SEPTIN2: variants seen among roughly 807,000 people sequenced by gnomAD.
The protein encoded by SEPTIN2 is septin-2.
In SEPTIN2, 34 loss-of-function variants were observed where a neutral mutation model predicts 46.5. The ratio of observed to expected loss-of-function variants is 0.73; its 90% CI spans 0.56 to 0.97. The LOEUF is 0.97. Ranked by LOEUF, SEPTIN2 falls within the 50% of genes least tolerant of loss-of-function variation. The probability of loss-of-function intolerance (pLI) is 0.00; values close to 1 mark genes in which losing one functional copy is unlikely to be tolerated. For synonymous variants in SEPTIN2, 175 were observed against 153.4 expected, an observed-to-expected ratio of 1.14 and a Z score of -1.04; for missense variants, 347 against 448.4, an observed-to-expected ratio of 0.77 and a Z score of 2.04.
At chr2:241,342,660 C>T (rs1575351791) in intron 7 of SEPTIN2, among the ~76,000 whole-genome samples, 1 of 151,540 alleles carries the variant, frequency 6.6e-6, no homozygotes, top group Non-Finnish European at 1.5e-5. Context: ...CTCAGCCTCC[C>T]CAGCAGCTGG....
chr2:241,317,488 C>A, intron 1 of SEPTIN2: 1 of 975,572 alleles, frequency 1.0e-6, no homozygotes, highest in South Asian at 4.7e-5. Context: ...CCTTTTTATC[C>A]CCAATACCAG....
chr2:241,348,090 CTA>C (rs1281317078), intron 10 of SEPTIN2, 42 bp from the exon 11 acceptor site: 1 of 1,479,232 alleles, frequency 6.8e-7, no homozygotes, highest in Non-Finnish European at 9.3e-7. Flanking sequence ...TAGCAAATAA[CTA>C]TTTGTTGCAG....
chr2:241,343,621 A>C, intron 8 of SEPTIN2, 131 bp from the exon 9 acceptor site: 3 of 956,582 alleles, frequency 3.1e-6, no homozygotes, highest in Non-Finnish European at 3.1e-6. Flanking sequence ...AAAATGTTAC[A>C]TACCCCCAGC....
chr2:241,343,867 A>G lies in SEPTIN2; in HGVS notation c.812A>G (p.Asn271Ser), dbSNP rs1218264055. The stretch of plus-strand genomic sequence containing the variant: ...GTGGAAGTGGAGAACCCAGAGCACA[A>G]TGACTTTCTGAAGCTGAGAACCATG... ...GVVEVENPEHNDFLKLRTMLI... is the reference protein window; with the variant it reads ...GVVEVENPEHSDFLKLRTMLI... Residue 271 changes from asparagine to serine, a missense_variant, in exon 9 of 13, where the codon AAT (asparagine) becomes AGT (serine). By Grantham distance (46) the Asn-to-Ser change is conservative. Transcript: ENST00000391971. 2.5e-6 allele frequency: 4 copies of G among 1,614,094 alleles called. No homozygotes were observed. Among genetic ancestry groups the G allele is most frequent in the African/African-American group, 1.3e-5 (1 of 74,936 alleles).
In SEPTIN2 at chr2:241,353,614, T is replaced by G; in HGVS notation, c.*1677T>G. The G allele has an allele frequency of 6.6e-6, 1 of 152,480 alleles. No individual in the cohort carries two copies. The highest frequency in any genetic ancestry group is 1.5e-5 in the Non-Finnish European group (1 of 68,036). The allele number at this position is 152,480 out of a possible 1,614,324, so 9.4% of individuals were successfully genotyped here. ...GTGAACAGCCAAAAGCTATATGTTATGGCTTATTGTGTGAAGGTAACTAAG... is the reference window on the plus strand; with the variant it reads ...GTGAACAGCCAAAAGCTATATGTTAGGGCTTATTGTGTGAAGGTAACTAAG... On this transcript the variant is annotated 3_prime_UTR_variant, in exon 13 of 13. Transcript: ENST00000391971.
At chr2:241,328,805 G>A (rs554365394) in intron 3 of SEPTIN2, among the ~76,000 whole-genome samples, 1 of 151,740 alleles carries the variant, frequency 6.6e-6, no homozygotes, top group Admixed American at 6.6e-5. Context: ...TGGATCACCT[G>A]AGGTGGCAAG....
chr2:241,316,508 T>C, intron 1 of SEPTIN2: 1 of 1,514,588 alleles, frequency 6.6e-7, no homozygotes, highest in Non-Finnish European at 8.8e-7. Flanking sequence ...AGGCCCTGTC[T>C]GCGGGTACCT....
At chr2:241,350,925 G>A (rs1420506704) in intron 12 of SEPTIN2, among the ~76,000 whole-genome samples, 1 of 152,188 alleles carries the variant, frequency 6.6e-6, no homozygotes, top group African/African-American at 2.4e-5. Context: ...GAAAGGTAAA[G>A]TTAAGTAATG....
At chr2:241,318,429 G>A (rs2076689257) in intron 1 of SEPTIN2, 1 of 152,066 alleles carries the variant, frequency 6.6e-6, no homozygotes, top group African/African-American at 2.4e-5. Flanking sequence ...AATCCTTTAA[G>A]AAAAAAGCCA....
chr2:241,346,341 T>G, intron 10 of SEPTIN2, 92 bp downstream of exon 10: 1 of 860,622 alleles, frequency 1.2e-6, no homozygotes. Context: ...TTCTTGACCA[T>G]TAAGCAACAT....
chr2:241,342,564 G>C (rs1302452268), intron 7 of SEPTIN2, among the ~76,000 whole-genome samples: 1 of 118,928 alleles, frequency 8.4e-6, no homozygotes, highest in South Asian at 2.6e-4. Context: ...TTTTTGAGAC[G>C]GAGTCTTGCT....
intron 1 of SEPTIN2, among the ~76,000 whole-genome samples, chr2:241,319,267 A>G (rs1182403242): frequency 6.6e-6 from 1 of 152,358 alleles, no homozygotes; most frequent in South Asian, 2.1e-4. Flanking sequence ...AGATATGTGT[A>G]GTGGAATATA....
At chr2:241,316,417 C>T in intron 1 of SEPTIN2, 1 of 1,123,626 alleles carries the variant, frequency 8.9e-7, no homozygotes, top group Non-Finnish European at 1.2e-6. Flanking sequence ...CATTTCCTCC[C>T]TGAGGCGTGG....
chr2:241,343,091 A>C lies in SEPTIN2; in HGVS notation c.694A>C (p.Lys232Gln). The C allele has an allele frequency of 6.4e-7, 1 of 1,561,404 alleles. No individual in the cohort carries two copies. The highest frequency in any genetic ancestry group is 8.8e-7 in the Non-Finnish European group (1 of 1,133,486). The stretch of plus-strand genomic sequence containing the variant: ...TTTTAAAGAGCAGACTAGACTTCTC[A>C]AGGTAAGAACTGGCTTCAGATCCAC... ...EDFKEQTRLL[K>Q]ASIPFSVVGS... Residue 232 changes from lysine to glutamine, a missense_variant and splice_region_variant, in exon 8 of 13, where the codon AAG becomes CAG. Coordinates refer to ENST00000391971, the MANE Select transcript of SEPTIN2 (RefSeq NM_004404.5).
intron 1 of SEPTIN2, chr2:241,320,132 G>A: frequency 2.3e-6 from 1 of 437,168 alleles, no homozygotes; most frequent in South Asian, 1.7e-5. Flanking sequence ...CCTTTCTTAT[G>A]TCTCCATCTG....
At position 241,325,922 on chromosome 2, in the gene SEPTIN2, TCTAA is replaced by T. The variant is rs540088769; in HGVS notation, c.10-68_10-65del. The T allele has an allele frequency of 9.0e-5, 129 of 1,434,896 alleles. No homozygotes were observed. In the African/African-American group the frequency reaches 1.2e-3, roughly 13 times the overall value. The allele number at this position is 1,434,896 out of a possible 1,614,324, so 88.9% of individuals were successfully genotyped here. The stretch of plus-strand genomic sequence containing the variant: ...ACTGATAACCTATGTTTGTTTCATG[TCTAA>T]CTGATTATATCTTAAAAGCAACTAC... On this transcript the variant is annotated intron_variant, in intron 2 of 12. Transcript: ENST00000391971.
At chr2:241,350,051 T>C in intron 11 of SEPTIN2, 22 bp from the exon 12 acceptor site, 2 of 1,607,888 alleles carry the variant, frequency 1.2e-6, no homozygotes, top group African/African-American at 1.3e-5. Context: ...TGAAAACCTA[T>C]AATGTGTGTG....
At chr2:241,347,886 G>A (rs1218676484) in intron 10 of SEPTIN2, among the ~76,000 whole-genome samples, 1 of 152,126 alleles carries the variant, frequency 6.6e-6, no homozygotes, top group Non-Finnish European at 1.5e-5. Flanking sequence ...GTGGTAGCAC[G>A]TGCCTGTAAT....
chr2:241,338,748 G>A (rs1293834957), intron 7 of SEPTIN2, among the ~76,000 whole-genome samples: 7 of 36,644 alleles, frequency 1.9e-4, no homozygotes, highest in South Asian at 1.6e-3. Flanking sequence ...TTATTTATAT[G>A]TAATATATTT....
Sources: gnomAD v4.1 joint callset for allele counts (sites outside exome capture counted in the v4.1 genomes callset) on GRCh38, gnomAD v4.1.1 for gene constraint, MANE v1.5 for transcripts, NCBI Gene and HGNC (gene_info 2026-07-23, HGNC 2026-07-21) for gene names.